Variants in FAM32A observed in about 807,000 individuals in gnomAD.
The protein encoded by FAM32A is protein FAM32A.
In FAM32A, 9 loss-of-function variants were observed where a neutral mutation model predicts 15.8. The ratio of observed to expected loss-of-function variants is 0.57; its 90% CI spans 0.34 to 1.00. The LOEUF is 1.00. FAM32A is among the 50% of genes least tolerant of loss of function. The pLI is 0.02. For synonymous variants in FAM32A, 64 were observed against 54.9 expected, an observed-to-expected ratio of 1.16 and a Z score of -0.73; for missense variants, 113 against 138.3, an observed-to-expected ratio of 0.82 and a Z score of 0.92.
At chr19:16,189,296 T>G (rs1160700717) in intron 2 of FAM32A, 3 of 152,258 alleles carry the variant, frequency 2.0e-5, no homozygotes, top group Non-Finnish European at 2.9e-5. Flanking sequence ...GTGCTGAGAT[T>G]ACAGACATGA....
Position 16,190,540 on chromosome 19 carries a change from G to T in FAM32A, c.237G>T (p.Lys79Asn). Residue 79 changes from lysine (K) to asparagine (N), a missense_variant, in exon 3 of 4, where the codon AAG becomes AAT. Lys to Asn is a moderately conservative substitution (Grantham distance 94, BLOSUM62 0). Transcript: ENST00000263384. ...QEKRQMERIL[K>N]KASKTHKQRV... is the part of the protein sequence containing the mutation. ...TCCAGCAAATGGAAAGGATCCTAAAGAAGGCATCCAAAACCCACAAGCAGA... is the reference window on the plus strand; with the variant it reads ...TCCAGCAAATGGAAAGGATCCTAAATAAGGCATCCAAAACCCACAAGCAGA... 6.2e-7 allele frequency: 1 copy of T among 1,613,060 alleles called. No homozygotes were observed. The highest frequency in any genetic ancestry group is 8.5e-7 in the Non-Finnish European group (1 of 1,179,450).
chr19:16,190,269 A>G (rs1306519196), intron 2 of FAM32A, among the ~76,000 whole-genome samples: 2 of 152,170 alleles, frequency 1.3e-5, no homozygotes, highest in Admixed American at 1.3e-4. Context: ...AGCTCCCAGC[A>G]GAGTCTGCTC....
chr19:16,186,975 C>T (rs1420358260), intron 2 of FAM32A, among the ~76,000 whole-genome samples: 1 of 152,164 alleles, frequency 6.6e-6, no homozygotes, highest in Non-Finnish European at 1.5e-5. Context: ...CTGAGAAACC[C>T]TAACCCTGGT....
chr19:16,190,970 T>G lies in FAM32A; in HGVS notation c.*15T>G. On this transcript the variant is annotated 3_prime_UTR_variant, in exon 4 of 4. Coordinates refer to ENST00000263384, the MANE Select transcript of FAM32A (RefSeq NM_014077.4). ...GGACGAAGTAGCCGCCTGCCCCCAG[T>G]ATGGAGCAGCATCGAGGGTTCGCAA... The G allele has an allele frequency of 6.2e-7, 1 of 1,609,680 alleles. No homozygotes were observed. Among genetic ancestry groups the G allele is most frequent in the Non-Finnish European group, 8.5e-7 (1 of 1,176,016 alleles).
Position 16,190,880 on chromosome 19 carries a change from T to A in FAM32A, c.271-7T>A. The A allele has an allele frequency of 6.2e-7, 1 of 1,613,650 alleles. No homozygotes were observed. The highest frequency in any genetic ancestry group is 8.5e-7 in the Non-Finnish European group (1 of 1,179,690). ...GCTGACACCGGCCTTCTACTCCACCTCCCCAGGACTTCAACAGACACCTGG... is the reference window on the plus strand; with the variant it reads ...GCTGACACCGGCCTTCTACTCCACCACCCCAGGACTTCAACAGACACCTGG... On this transcript the variant is annotated splice_polypyrimidine_tract_variant and splice_region_variant and intron_variant, in intron 3 of 3. Coordinates refer to ENST00000263384, the MANE Select transcript of FAM32A (RefSeq NM_014077.4).
intron 2 of FAM32A, chr19:16,189,345 TCTTC>T (rs963196397): frequency 2.0e-5 from 3 of 152,322 alleles, no homozygotes; most frequent in Non-Finnish European, 4.4e-5. Context: ...TTTCGTGGCC[TCTTC>T]CTTCATGTCA....
At chr19:16,185,816 G>A in intron 2 of FAM32A, 51 bp downstream of exon 2, 1 of 1,534,972 alleles carries the variant, frequency 6.5e-7, no homozygotes, top group Non-Finnish European at 8.8e-7. Context: ...GGCGCCGGGA[G>A]ACTGGAAATT....
At chr19:16,190,853 G>A (rs778800385) in intron 3 of FAM32A, 34 bp from the exon 4 acceptor site, 22 of 1,590,724 alleles carry the variant, frequency 1.4e-5, no homozygotes, top group African/African-American at 2.7e-5. Flanking sequence ...ACTTGGGTCT[G>A]CGCTGACACC....
rs1360672347 is a variant in FAM32A at position 16,191,780 on chromosome 19, A to G, written c.*825A>G. 2.6e-5 allele frequency: 4 copies of G among 151,318 alleles called. No homozygotes were observed. The highest frequency in any genetic ancestry group is 7.3e-5 in the African/African-American group (3 of 41,358). The allele number at this position is 151,318 out of a possible 1,614,324, so 9.4% of individuals were successfully genotyped here. A position where few individuals can be genotyped will look rare whatever the true frequency, so the allele number is the denominator to read the frequency against. On this transcript the variant is annotated 3_prime_UTR_variant, in exon 4 of 4. Transcript: ENST00000263384. ...GGCATTCCTACCTTACGGACGTCTC[A>G]GGGGTGACAGGACCAGGGCAGAGCC...
intron 3 of FAM32A, 22 bp downstream of exon 3, chr19:16,190,595 G>C: frequency 6.3e-7 from 1 of 1,598,336 alleles, no homozygotes; most frequent in Non-Finnish European, 8.6e-7. Context: ...TGTCCAGTGG[G>C]GGAGACTGAG....
At chr19:16,188,063 T>C (rs909167992) in intron 2 of FAM32A, among the ~76,000 whole-genome samples, 3 of 152,318 alleles carry the variant, frequency 2.0e-5, no homozygotes, top group Middle Eastern at 3.4e-3. Context: ...TGCATTTCTT[T>C]CCCTTCTAAC....
At position 16,185,501 on chromosome 19, in the gene FAM32A, T is replaced by G; in HGVS notation, c.59T>G (p.Leu20Arg). ...CTGAAGCTGAAAGGCGTCGCAGAGCTGGGAGTGACCAAGCGGTGAGGCCCG... is the reference window on the plus strand; with the variant it reads ...CTGAAGCTGAAAGGCGTCGCAGAGCGGGGAGTGACCAAGCGGTGAGGCCCG... Reference protein sequence around the residue: ...GPLKLKGVAELGVTKRKKKKK... With the variant: ...GPLKLKGVAERGVTKRKKKKK... The change falls in exon 1 of 4, where the codon CTG becomes CGG. Residue 20 changes from leucine (L) to arginine (R), a missense_variant. This residue lies in a region of FAM32A where 112 missense variants were observed against 118.6 expected (regional missense o/e 0.94). Transcript: ENST00000263384. The G allele has an allele frequency of 6.4e-7, 1 of 1,565,602 alleles. No homozygotes were observed. The highest frequency in any genetic ancestry group is 8.7e-7 in the Non-Finnish European group (1 of 1,154,454).
At position 16,190,434 on chromosome 19, in the gene FAM32A, G is replaced by C. The variant is rs563060336; in HGVS notation, c.217-86G>C. The C allele has an allele frequency of 6.6e-6, 6 of 909,116 alleles. No individual in the cohort carries two copies. The Admixed American group carries it at 1.2e-4, about 19-fold the overall frequency. 56.3% of individuals were successfully genotyped at this position (909,116 alleles called of 1,614,324 possible). A position where few individuals can be genotyped will look rare whatever the true frequency, so the allele number is the denominator to read the frequency against. On this transcript the variant is annotated intron_variant, in intron 2 of 3. Coordinates refer to ENST00000263384, the MANE Select transcript of FAM32A (RefSeq NM_014077.4). ...CCAGCTGTTCTAAATGTGAGAGCCA[G>C]TCTGGCCAGGCTCCATCTTCCACCC... is the stretch of plus-strand genomic sequence containing the variant.
intron 2 of FAM32A, chr19:16,187,458 C>CGTCTCAGTGAGACTCA (rs1283315011): frequency 6.7e-6 from 1 of 150,186 alleles, no homozygotes; most frequent in Non-Finnish European, 1.5e-5. Flanking sequence ...AGTGAGACTC[C>CGTCTCAGTGAGACTCA]GTCTCAGTGA....
At chr19:16,185,570 C>T (rs1168068683) in intron 1 of FAM32A, 54 bp downstream of exon 1, 3 of 1,584,048 alleles carry the variant, frequency 1.9e-6, no homozygotes, top group South Asian at 1.2e-5. Flanking sequence ...GACCTTTTCT[C>T]GGGACCCCTG....
chr19:16,186,183 G>C (rs897448168), intron 2 of FAM32A: 18 of 192,962 alleles, frequency 9.3e-5, no homozygotes, highest in African/African-American at 4.0e-4. Context: ...AAAGTAAAAA[G>C]CAGTGCATAC....
Position 16,185,620 on chromosome 19 carries a change from C to A in FAM32A, c.75-4C>A. On this transcript the variant is annotated splice_polypyrimidine_tract_variant and splice_region_variant and intron_variant, in intron 1 of 3. Transcript: ENST00000263384. ...ACCCGCCGCCTCCTCATGTCTTTTTCCAGGAAGAAGAAAAAGAAGGACAAA... is the reference window on the plus strand; with the variant it reads ...ACCCGCCGCCTCCTCATGTCTTTTTACAGGAAGAAGAAAAAGAAGGACAAA... 6.3e-7 allele frequency: 1 copy of A among 1,599,734 alleles called. No individual in the cohort carries two copies. Among genetic ancestry groups the A allele is most frequent in the East Asian group, 2.2e-5 (1 of 44,650 alleles).
chr19:16,188,629 G>A (rs2091394545), intron 2 of FAM32A, among the ~76,000 whole-genome samples: 1 of 152,252 alleles, frequency 6.6e-6, no homozygotes, highest in African/African-American at 2.4e-5. Context: ...TGTGGGCAGA[G>A]CCCAGCCAGG....
intron 2 of FAM32A, among the ~76,000 whole-genome samples, chr19:16,188,035 C>T (rs377505635): frequency 7.9e-5 from 12 of 152,310 alleles, no homozygotes; most frequent in African/African-American, 2.6e-4. Flanking sequence ...CGTGAACCAC[C>T]ATGCCTGGCC....
Sources: allele counts gnomAD v4.1 joint callset (sites outside exome capture counted in the v4.1 genomes callset), GRCh38; gene constraint gnomAD v4.1.1; regional missense constraint gnomAD v4.1.1; transcripts MANE v1.5; gene names NCBI Gene and HGNC (gene_info 2026-07-23, HGNC 2026-07-21).